Variants in PTH2R observed in about 807,000 individuals in gnomAD.
PTH2R encodes PTH2 receptor.
In PTH2R, 59 loss-of-function variants were observed where a neutral mutation model predicts 60.3. The ratio of observed to expected loss-of-function variants is 0.98; its 90% CI spans 0.79 to 1.22. The LOEUF is 1.22. Among genes scored for constraint, PTH2R ranks in the 50% most tolerant of loss-of-function variants. PTH2R has a pLI of 0.00. For synonymous variants in PTH2R, 256 were observed against 243.8 expected (o/e 1.05, Z -0.47); for missense variants, 749 against 682.6 (o/e 1.10, Z -1.08).
At chr2:208,375,214 CTT>C (rs1700772061) in intron 1 of PTH2R, among the ~76,000 whole-genome samples, 1 of 151,972 alleles carries the variant, frequency 6.6e-6, no homozygotes, top group South Asian at 2.1e-4. Context: ...AGGATGTTTT[CTT>C]TTTAACATGT....
chr2:208,482,255 G>A (rs1190459674), intron 10 of PTH2R, among the ~76,000 whole-genome samples: 1 of 152,156 alleles, frequency 6.6e-6, no homozygotes, highest in Non-Finnish European at 1.5e-5. Context: ...CAATGCAACG[G>A]GGCTCTCTCT....
intron 9 of PTH2R, among the ~76,000 whole-genome samples, chr2:208,467,563 C>G (rs1277627885): frequency 6.6e-6 from 1 of 152,182 alleles, no homozygotes; most frequent in Non-Finnish European, 1.5e-5. Flanking sequence ...ATACTATATG[C>G]TACACATGAT....
chr2:208,486,901 G>T (rs1259859190), intron 10 of PTH2R, among the ~76,000 whole-genome samples: 1 of 152,214 alleles, frequency 6.6e-6, no homozygotes, highest in Non-Finnish European at 1.5e-5. Flanking sequence ...AAAGTAGGAG[G>T]TGTGAGTACC....
intron 1 of PTH2R, among the ~76,000 whole-genome samples, chr2:208,384,059 GAGA>G (rs2125878145): frequency 6.6e-6 from 1 of 152,354 alleles, no homozygotes; most frequent in South Asian, 2.1e-4. Flanking sequence ...TAACTTGGAA[GAGA>G]AGATGTCCAT....
rs1703154938 is a variant in PTH2R at position 208,481,613 on chromosome 2, C to CAT, written c.1076+458_1076+459dup. On this transcript the variant is annotated intron_variant, in intron 10 of 12. Transcript: ENST00000272847. ...TTTATTGTGTGATTTATCAGAAAAG[C>CAT]ATATATATATTAAGAAAACATAAGT... Among the ~76,000 whole-genome samples, 3 of 152,192 alleles carry CAT rather than the reference C, an allele frequency of 2.0e-5. No individual in the cohort carries two copies. The South Asian group carries it at 6.2e-4, about 32-fold the overall frequency.
intron 1 of PTH2R, among the ~76,000 whole-genome samples, chr2:208,367,828 A>G (rs1280934693): frequency 6.6e-6 from 1 of 152,168 alleles, no homozygotes; most frequent in Non-Finnish European, 1.5e-5. Context: ...GCTACTTTGC[A>G]ACCAAAGCAA....
intron 1 of PTH2R, among the ~76,000 whole-genome samples, chr2:208,365,361 T>TC (rs1219871887): frequency 1.2e-4 from 8 of 65,318 alleles, no homozygotes; most frequent in East Asian, 1.2e-3. Flanking sequence ...TTTGAGTGTT[T>TC]TTTTTCTTTT....
intron 1 of PTH2R, among the ~76,000 whole-genome samples, chr2:208,415,512 G>A (rs1313985749): frequency 2.0e-5 from 3 of 151,920 alleles, no homozygotes; most frequent in Non-Finnish European, 2.9e-5. Flanking sequence ...TACTTTTTTC[G>A]CTACCAGGGA....
intron 1 of PTH2R, among the ~76,000 whole-genome samples, chr2:208,395,380 G>A (rs909379287): frequency 3.3e-5 from 5 of 151,994 alleles, no homozygotes; most frequent in Admixed American, 6.6e-5. Context: ...AGGAAGCTGC[G>A]GTATTGCTGT....
chr2:208,463,858 G>A (rs1370374), intron 9 of PTH2R, among the ~76,000 whole-genome samples: 3 of 152,034 alleles, frequency 2.0e-5, no homozygotes, highest in African/African-American at 7.2e-5. Flanking sequence ...CAGACTCCAC[G>A]ATCCCCTAGG....
chr2:208,404,768 C>T (rs886879068), upstream of PTH2R, among the ~76,000 whole-genome samples: 1 of 152,036 alleles, frequency 6.6e-6, no homozygotes, highest in African/African-American at 2.4e-5. Flanking sequence ...GAGAAGTACC[C>T]GTGTTTGAAT....
At chr2:208,455,909 T>C (rs1702502758) in intron 8 of PTH2R, among the ~76,000 whole-genome samples, 1 of 152,166 alleles carries the variant, frequency 6.6e-6, no homozygotes. Flanking sequence ...TCTATTGATA[T>C]ACAAAAGAAG....
chr2:208,388,135 C>A (rs993374208), intron 1 of PTH2R, among the ~76,000 whole-genome samples: 1 of 148,368 alleles, frequency 6.7e-6, no homozygotes, highest in African/African-American at 2.5e-5. Context: ...TGGTGAAACC[C>A]CCCCCCCCGT....
intron 1 of PTH2R, among the ~76,000 whole-genome samples, chr2:208,394,606 T>C (rs187775802): frequency 6.6e-6 from 1 of 152,292 alleles, no homozygotes; most frequent in African/African-American, 2.4e-5. Context: ...TTTTATTTCC[T>C]TTTGACCTCC....
intron 1 of PTH2R, among the ~76,000 whole-genome samples, chr2:208,369,121 A>C (rs1700646294): frequency 6.6e-6 from 1 of 152,096 alleles, no homozygotes; most frequent in Non-Finnish European, 1.5e-5. Flanking sequence ...AGTTGGATGG[A>C]TGGACCTTAA....
chr2:208,441,762 T>C (rs939932140), intron 4 of PTH2R, among the ~76,000 whole-genome samples: 11 of 152,202 alleles, frequency 7.2e-5, no homozygotes, highest in African/African-American at 2.7e-4. Flanking sequence ...TACAAAAATG[T>C]ACATATGATC....
chr2:208,471,795 T>C (rs1702887769), intron 9 of PTH2R, among the ~76,000 whole-genome samples: 3 of 152,184 alleles, frequency 2.0e-5, no homozygotes, highest in Non-Finnish European at 2.9e-5. Context: ...ACTTGCACCA[T>C]GTGCCTGGAA....
At chr2:208,438,094 C>A (rs1702112297) in intron 4 of PTH2R, among the ~76,000 whole-genome samples, 1 of 152,136 alleles carries the variant, frequency 6.6e-6, no homozygotes, top group South Asian at 2.1e-4. Flanking sequence ...ATACATACAT[C>A]CATACTTATA....
intron 1 of PTH2R, among the ~76,000 whole-genome samples, chr2:208,416,462 CAT>C (rs1701643031): frequency 6.6e-6 from 1 of 152,214 alleles, no homozygotes; most frequent in Non-Finnish European, 1.5e-5. Flanking sequence ...ATAGAAGCCG[CAT>C]ACTTTGACTT....
Sources: gnomAD v4.1 joint callset for allele counts (sites outside exome capture counted in the v4.1 genomes callset) on GRCh38, gnomAD v4.1.1 for gene constraint, MANE v1.5 for transcripts, NCBI Gene and HGNC (gene_info 2026-07-23, HGNC 2026-07-21) for gene names.